RIPOR3: variants seen among roughly 807,000 people sequenced by gnomAD.
RIPOR3 encodes the protein RIPOR family member 3, also known as family with sequence similarity 65 member C.
RIPOR3 carries 95 observed loss-of-function variants against 114.3 expected under a neutral mutation model. The observed-to-expected ratio is 0.83, with a 90% CI of 0.70 to 0.99. RIPOR3 has a LOEUF of 0.99. Among genes scored for constraint, RIPOR3 ranks in the 50% least tolerant of loss-of-function variants. The pLI is 0.00. For synonymous variants in RIPOR3, 575 were observed against 543.8 expected (o/e 1.06, Z -0.80); for missense variants, 1,252 against 1,266.9 (o/e 0.99, Z 0.18).
At chr20:50,601,208 C>T (rs59292010) in intron 13 of RIPOR3, among the ~76,000 whole-genome samples, 303 of 152,174 alleles carry the variant, frequency 2.0e-3, no homozygotes, top group African/African-American at 6.9e-3. Context: ...CTGAGGCAGG[C>T]GGATCACTTG....
At chr20:50,623,021 CG>C (rs2084476490) in intron 2 of RIPOR3, among the ~76,000 whole-genome samples, 2 of 151,986 alleles carry the variant, frequency 1.3e-5, no homozygotes, top group African/African-American at 4.8e-5. Flanking sequence ...CCCAGCACTT[CG>C]GGAGGCCAAG....
At chr20:50,634,642 A>G (rs79858342) in intron 1 of RIPOR3, among the ~76,000 whole-genome samples, 1,667 of 152,376 alleles carry the variant, frequency 0.011, 25 homozygotes, top group African/African-American at 0.037. Context: ...TGTGCAGCCC[A>G]AGAGGAAGGT....
intron 4 of RIPOR3, among the ~76,000 whole-genome samples, chr20:50,612,088 G>C (rs1568859097): frequency 6.8e-6 from 1 of 147,962 alleles, no homozygotes; most frequent in Non-Finnish European, 1.5e-5. Context: ...CCGTGCCACT[G>C]TACTCCAGCC....
intron 2 of RIPOR3, among the ~76,000 whole-genome samples, chr20:50,628,981 C>G (rs2084722591): frequency 6.6e-6 from 1 of 152,208 alleles, no homozygotes. Flanking sequence ...GGGACCTGGC[C>G]TGGTCTGGAG....
chr20:50,589,357 C>T (rs2083036990), intron 20 of RIPOR3, among the ~76,000 whole-genome samples: 1 of 150,038 alleles, frequency 6.7e-6, no homozygotes, highest in Non-Finnish European at 1.5e-5. Flanking sequence ...ACCCAGGCTG[C>T]AGTGCAGTGG....
At chr20:50,655,442 A>C (rs1424149036) in intron 1 of RIPOR3, among the ~76,000 whole-genome samples, 2 of 152,210 alleles carry the variant, frequency 1.3e-5, no homozygotes, top group Non-Finnish European at 2.9e-5. Flanking sequence ...TTACCAAGCA[A>C]TCCTAAGTGT....
intron 8 of RIPOR3, 98 bp from the exon 9 acceptor site, chr20:50,609,053 G>A: frequency 6.6e-7 from 1 of 1,503,996 alleles, no homozygotes; most frequent in Non-Finnish European, 9.0e-7. Context: ...TAGATTTTCA[G>A]TTTCAGTGGG....
intron 16 of RIPOR3, 26 bp downstream of exon 16, chr20:50,595,343 C>T (rs1250759085): frequency 1.9e-6 from 3 of 1,607,864 alleles, no homozygotes; most frequent in South Asian, 2.2e-5. Flanking sequence ...ACATAGGCAG[C>T]CCCTGGGTGG....
rs368091649 is a variant in RIPOR3, at chr20:50,683,198, TA to T, written c.3+7927del. 1.1e-4 allele frequency among the ~76,000 whole-genome samples: 17 copies of T among 152,280 alleles called. No homozygotes were observed. The East Asian group carries it at 2.9e-3, about 26-fold the overall frequency. ...AATTTTTAGAAAGGCAAGGGAAAGC[TA>T]AACACAGAATTCAAGATAGCAGCTA... On this transcript the variant is annotated intron_variant, in intron 1 of 21. Coordinates refer to ENST00000327979, the MANE Select transcript of RIPOR3 (RefSeq NM_001290268.2).
intron 3 of RIPOR3, among the ~76,000 whole-genome samples, chr20:50,616,296 G>A (rs8122503): frequency 0.026 from 3,923 of 152,162 alleles, 105 homozygotes; most frequent in African/African-American, 0.063. Flanking sequence ...CCCCCACCAG[G>A]CCCACAAGTA....
chr20:50,649,800 C>G (rs988717891), intron 1 of RIPOR3, among the ~76,000 whole-genome samples: 1 of 152,212 alleles, frequency 6.6e-6, no homozygotes, highest in Non-Finnish European at 1.5e-5. Context: ...TACTTTGCCC[C>G]CTTCCAAGGA....
At chr20:50,677,671 C>CTTT (rs1341300055) in intron 1 of RIPOR3, among the ~76,000 whole-genome samples, 5 of 130,750 alleles carry the variant, frequency 3.8e-5, no homozygotes, top group Non-Finnish European at 8.2e-5. Flanking sequence ...CGCGCCTGGC[C>CTTT]TTTTTTTTTT....
At chr20:50,650,264 G>C (rs2085552956) in intron 1 of RIPOR3, among the ~76,000 whole-genome samples, 1 of 151,858 alleles carries the variant, frequency 6.6e-6, no homozygotes. Flanking sequence ...CCTCCCAAAG[G>C]CCCCACCTCC....
intron 1 of RIPOR3, among the ~76,000 whole-genome samples, chr20:50,687,609 G>C (rs1474562332): frequency 6.6e-6 from 1 of 152,150 alleles, no homozygotes; most frequent in African/African-American, 2.4e-5. Flanking sequence ...ATTATAAATT[G>C]TATTGACGTA....
At chr20:50,685,135 A>G (rs535406190) in intron 1 of RIPOR3, among the ~76,000 whole-genome samples, 5 of 151,820 alleles carry the variant, frequency 3.3e-5, no homozygotes, top group Non-Finnish European at 5.9e-5. Context: ...TAAGTGTTTA[A>G]GGGTCAAGAA....
intron 11 of RIPOR3, 55 bp downstream of exon 11, chr20:50,608,334 G>T: frequency 6.2e-7 from 1 of 1,607,248 alleles, no homozygotes. Context: ...GTGTGGCCAG[G>T]CCACCAGGGG....
chr20:50,587,470 C>A, intron 21 of RIPOR3, 138 bp from the exon 22 acceptor site: 2 of 703,626 alleles, frequency 2.8e-6, no homozygotes, highest in Non-Finnish European at 4.9e-6. Context: ...GGAGTATGTG[C>A]GGGAGCCCCC....
chr20:50,593,678 A>G (rs1014771209), intron 17 of RIPOR3, among the ~76,000 whole-genome samples: 1 of 151,932 alleles, frequency 6.6e-6, no homozygotes, highest in Non-Finnish European at 1.5e-5. Context: ...TGTGACTCCA[A>G]CTCACCCTGA....
At chr20:50,620,447 C>T (rs564931344) in intron 2 of RIPOR3, among the ~76,000 whole-genome samples, 4 of 152,040 alleles carry the variant, frequency 2.6e-5, no homozygotes, top group East Asian at 3.9e-4. Context: ...GCCAACATGG[C>T]GAAACCCTGT....
Sources: gnomAD v4.1 joint callset for allele counts (sites outside exome capture counted in the v4.1 genomes callset) on GRCh38, gnomAD v4.1.1 for gene constraint, MANE v1.5 for transcripts, NCBI Gene and HGNC (gene_info 2026-07-23, HGNC 2026-07-21) for gene names.